The following TRAF3IP1 variants were observed in gnomAD, a reference collection of about 807,000 sequenced individuals.
TRAF3IP1 encodes the protein TRAF3-interacting protein 1.
TRAF3IP1 carries 53 observed loss-of-function variants against 89.9 expected under a neutral mutation model. That is an observed-to-expected ratio of 0.59 (90% CI 0.47 to 0.74). The LOEUF is 0.74. Ranked by LOEUF, TRAF3IP1 falls within the 30% of genes least tolerant of loss-of-function variation. The pLI, the probability that TRAF3IP1 is intolerant of heterozygous loss-of-function variation, is 0.00. For missense variants in TRAF3IP1, 806 were observed against 866.1 expected (o/e 0.93, Z 0.87); for synonymous variants, 311 against 322.1 (o/e 0.97, Z 0.37).
intron 15 of TRAF3IP1, among the ~76,000 whole-genome samples, chr2:238,387,412 A>C (rs1700817743): frequency 6.6e-6 from 1 of 152,230 alleles, no homozygotes. Flanking sequence ...AGATTGTAGA[A>C]ATGGCATGGG....
intron 5 of TRAF3IP1, 126 bp downstream of exon 5, chr2:238,329,468 G>A: frequency 1.2e-6 from 1 of 853,250 alleles, no homozygotes; most frequent in Admixed American, 3.9e-5. Context: ...TTAAAATGAT[G>A]ACAATCTTGG....
At chr2:238,343,670 C>T (rs1336263287) in intron 8 of TRAF3IP1, among the ~76,000 whole-genome samples, 3 of 135,358 alleles carry the variant, frequency 2.2e-5, no homozygotes, top group African/African-American at 5.6e-5. Flanking sequence ...TTTTTTTCCC[C>T]GAGATAGGGT....
rs867440025 is a variant in TRAF3IP1, at chr2:238,329,140, A to G, written c.713A>G (p.Glu238Gly). Reference sequence around the variant, plus strand: ...CGACAGAAAGACAGAGGCAACAGGGAGCGGGACAGAGACTCCGAGCGCAAG... The same window carrying G: ...CGACAGAAAGACAGAGGCAACAGGGGGCGGGACAGAGACTCCGAGCGCAAG... ...NERQKDRGNRERDRDSERKKE... is the reference protein window; with the variant it reads ...NERQKDRGNRGRDRDSERKKE... Residue 238 changes from glutamate (E) to glycine (G), a missense_variant, in exon 5 of 17, where the codon GAG becomes GGG. Physicochemically the swap from Glu to Gly is moderately conservative, Grantham distance 98. This residue lies in a region of TRAF3IP1 where 732 missense variants were observed against 780.5 expected (regional missense o/e 0.94). Coordinates refer to ENST00000373327, the MANE Select transcript of TRAF3IP1 (RefSeq NM_015650.4). 2.6e-6 allele frequency: 4 copies of G among 1,550,912 alleles called. No individual in the cohort carries two copies. Among genetic ancestry groups the G allele is most frequent in the Non-Finnish European group, 1.7e-6 (2 of 1,147,932 alleles).
intron 15 of TRAF3IP1, among the ~76,000 whole-genome samples, chr2:238,381,582 C>T (rs1700553040): frequency 6.6e-6 from 1 of 152,212 alleles, no homozygotes; most frequent in South Asian, 2.1e-4. Flanking sequence ...GCCAGGGGCT[C>T]CTCCAGTCAC....
Position 238,400,313 on chromosome 2 carries a change from C to T in TRAF3IP1, c.*1394C>T, listed in dbSNP as rs1701411331. The T allele has an allele frequency of 6.6e-6, 1 of 152,212 alleles. No homozygotes were observed. Among genetic ancestry groups the T allele is most frequent in the Non-Finnish European group, 1.5e-5 (1 of 68,072 alleles). The allele number at this position is 152,212 out of a possible 1,614,324, so 9.4% of individuals were successfully genotyped here. A position where few individuals can be genotyped will look rare whatever the true frequency, so the allele number is the denominator to read the frequency against. The stretch of plus-strand genomic sequence containing the variant: ...GTTTCACCGTGTTGACCAGGATGGT[C>T]TCCACCTCCTGACCTCGTGATCCGC... On this transcript the variant is annotated 3_prime_UTR_variant, in exon 17 of 17. Transcript: ENST00000373327.
intron 15 of TRAF3IP1, among the ~76,000 whole-genome samples, chr2:238,362,930 A>G (rs1255736886): frequency 6.6e-6 from 1 of 152,214 alleles, no homozygotes; most frequent in East Asian, 1.9e-4. Flanking sequence ...AACAGGGTCG[A>G]CCAGCTGTCT....
intron 13 of TRAF3IP1, 98 bp from the exon 14 acceptor site, chr2:238,353,075 C>A (rs113538325): frequency 1.3e-6 from 2 of 1,557,484 alleles, no homozygotes; most frequent in African/African-American, 2.7e-5. Context: ...TTTCTACCTT[C>A]GTTAATTTTG....
chr2:238,390,094 C>G (rs1209831604), intron 15 of TRAF3IP1, among the ~76,000 whole-genome samples: 4 of 152,164 alleles, frequency 2.6e-5, no homozygotes, highest in Non-Finnish European at 5.9e-5. Context: ...CAGTCTTTAG[C>G]CCGCAGGAAA....
chr2:238,329,333 T>G lies in TRAF3IP1; in HGVS notation c.906T>G (p.Pro302=), dbSNP rs17854985. ...AGAAGAACAGAGAGCATGACAAACC[T>G]GAGAAAAAGGTAAAGTCTTGCTGAG... is the stretch of plus-strand genomic sequence containing the variant. ...DREKNREHDK[P]EKKSASSGEM... is the part of the protein sequence containing the mutation. The change falls in exon 5 of 17, where the codon CCT becomes CCG. Residue 302 remains proline, a synonymous_variant. Coordinates refer to ENST00000373327, the MANE Select transcript of TRAF3IP1 (RefSeq NM_015650.4). 1.5e-6 allele frequency: 2 copies of G among 1,357,786 alleles called. No individual in the cohort carries two copies. The highest frequency in any genetic ancestry group is 3.0e-5 in the African/African-American group (2 of 67,314). The allele number at this position is 1,357,786 out of a possible 1,614,324, so 84.1% of individuals were successfully genotyped here.
rs1217009708 is a variant in TRAF3IP1 at position 238,351,907 on chromosome 2, G to A, written c.1452-920G>A. On this transcript the variant is annotated intron_variant, in intron 12 of 16. Transcript: ENST00000373327. The surrounding 1 kb of genome is among the most constrained non-coding windows in gnomAD (Gnocchi z 5.2). ...TGCGTGCATGTGCTTGTGTGTATGCGTGTGTGTGTGTGTGTGTGTGTATGC... is the reference window on the plus strand; with the variant it reads ...TGCGTGCATGTGCTTGTGTGTATGCATGTGTGTGTGTGTGTGTGTGTATGC... Among the ~76,000 whole-genome samples, 3 of 122,790 alleles carry A rather than the reference G, an allele frequency of 2.4e-5. No homozygotes were observed. Among genetic ancestry groups the A allele is most frequent in the South Asian group, 2.5e-4 (1 of 4,000 alleles). The allele number at this position is 122,790 out of a possible 152,430, so 80.6% of individuals were successfully genotyped here.
chr2:238,329,652 G>A (rs1352936618), intron 5 of TRAF3IP1, among the ~76,000 whole-genome samples: 1 of 152,198 alleles, frequency 6.6e-6, no homozygotes, highest in Non-Finnish European at 1.5e-5. Context: ...TGGATTATAA[G>A]CTCCCTAAGA....
chr2:238,373,161 C>G lies in TRAF3IP1; in HGVS notation c.1689+17081C>G, dbSNP rs995386631. On this transcript the variant is annotated intron_variant, in intron 15 of 16. Transcript: ENST00000373327. ...ATTAGATCCCGTTTGTGTATTTTGG[C>G]TTTTGTTGCCATTGCTTTTGGTGTT... Among the ~76,000 whole-genome samples, 11 of 152,276 alleles carry G rather than the reference C, an allele frequency of 7.2e-5. No homozygotes were observed. In the South Asian group the frequency reaches 2.3e-3, roughly 32 times the overall value.
At position 238,349,387 on chromosome 2, in the gene TRAF3IP1, T is replaced by C. The variant is rs2106393624; in HGVS notation, c.1430T>C (p.Met477Thr). The C allele has an allele frequency of 6.2e-7, 1 of 1,614,148 alleles. No homozygotes were observed. The highest frequency in any genetic ancestry group is 8.5e-7 in the Non-Finnish European group (1 of 1,180,026). Residue 477 changes from methionine (M) to threonine (T), a missense_variant, in exon 12 of 17, where the codon ATG becomes ACG. By Grantham distance (81) the Met-to-Thr change is moderately conservative (BLOSUM62 -1). Transcript: ENST00000373327. ...APPRVKRQDS[M>T]EALQMDRSGS... is the part of the protein sequence containing the mutation. ...CCCCGGGTCAAACGGCAAGACAGCA[T>C]GGAGGCGCTACAAATGGATAGGTAA... is the stretch of plus-strand genomic sequence containing the variant.
chr2:238,334,560 C>T (rs765988817), intron 7 of TRAF3IP1, among the ~76,000 whole-genome samples: 3 of 152,186 alleles, frequency 2.0e-5, no homozygotes, highest in Non-Finnish European at 4.4e-5. Context: ...TGCAGGGAAG[C>T]CCTGTTGGAG....
At chr2:238,330,858 C>T (rs1415024795) in intron 5 of TRAF3IP1, among the ~76,000 whole-genome samples, 1 of 152,188 alleles carries the variant, frequency 6.6e-6, no homozygotes, top group Non-Finnish European at 1.5e-5. Context: ...CTCCACTGCA[C>T]ATCCTGGAGT....
intron 15 of TRAF3IP1, among the ~76,000 whole-genome samples, chr2:238,389,179 A>G (rs1015189313): frequency 1.3e-5 from 2 of 152,082 alleles, no homozygotes; most frequent in Non-Finnish European, 2.9e-5. Flanking sequence ...TGTGCCCTGG[A>G]TCCTGCTTCC....
At chr2:238,392,177 C>T (rs187937652) in intron 15 of TRAF3IP1, among the ~76,000 whole-genome samples, 1 of 152,178 alleles carries the variant, frequency 6.6e-6, no homozygotes, top group Admixed American at 6.5e-5. Context: ...TTGCGTTCAG[C>T]CTGGGCAACA....
chr2:238,323,906 G>A (rs568023027), intron 1 of TRAF3IP1, among the ~76,000 whole-genome samples: 3 of 152,304 alleles, frequency 2.0e-5, no homozygotes, highest in Non-Finnish European at 4.4e-5. Context: ...GGCTAATTAG[G>A]AGGTACAGGT....
intron 15 of TRAF3IP1, among the ~76,000 whole-genome samples, chr2:238,363,636 C>T (rs910086559): frequency 3.9e-5 from 6 of 152,096 alleles, no homozygotes; most frequent in Admixed American, 6.5e-5. Flanking sequence ...TTCCACATAC[C>T]GTTGTTGATT....
Sources: gnomAD v4.1 joint callset for allele counts (sites outside exome capture counted in the v4.1 genomes callset) on GRCh38, gnomAD v4.1.1 for gene constraint, gnomAD v4.1.1 regional missense constraint, Gnocchi (gnomAD v3.1) non-coding constraint, MANE v1.5 for transcripts, NCBI Gene and HGNC (gene_info 2026-07-23, HGNC 2026-07-21) for gene names.